The following SCNN1B variants were observed in gnomAD, a reference collection of about 807,000 sequenced individuals.
SCNN1B encodes sodium channel epithelial 1 subunit beta.
A neutral mutation model predicts 65.3 loss-of-function variants in SCNN1B; 46 were observed. That is an observed-to-expected ratio of 0.70 (90% confidence interval 0.56 to 0.90). The LOEUF (loss-of-function observed/expected upper bound fraction) is 0.90. Among genes scored for constraint, SCNN1B ranks in the 40% least tolerant of loss-of-function variants. The probability of loss-of-function intolerance (pLI) is 0.00; values close to 1 mark genes in which losing one functional copy is unlikely to be tolerated. For synonymous variants in SCNN1B, 349 were observed against 330.6 expected (o/e 1.06, Z -0.60); for missense variants, 751 against 830.5 (o/e 0.90, Z 1.18).
chr16:23,291,462 A>ATG (rs1284367332), intron 2 of SCNN1B, among the ~76,000 whole-genome samples: 1 of 136,436 alleles, frequency 7.3e-6, no homozygotes, highest in Non-Finnish European at 1.6e-5. Flanking sequence ...CCATATATAT[A>ATG]TGTGTGTGTG....
At chr16:23,333,903 C>A (rs1441838031) in intron 1 of SCNN1B, among the ~76,000 whole-genome samples, 1 of 152,192 alleles carries the variant, frequency 6.6e-6, no homozygotes, top group Non-Finnish European at 1.5e-5. Flanking sequence ...AAGGAGATGG[C>A]AGAACCAGAC....
chr16:23,372,492 A>C (rs1049202110), intron 7 of SCNN1B, among the ~76,000 whole-genome samples: 1 of 145,204 alleles, frequency 6.9e-6, no homozygotes, highest in African/African-American at 2.5e-5. Flanking sequence ...TTACCTGAGA[A>C]GTCCCTTTTT....
At chr16:23,341,805 G>GTA (rs1329649779) in intron 1 of SCNN1B, among the ~76,000 whole-genome samples, 2 of 152,186 alleles carry the variant, frequency 1.3e-5, no homozygotes, top group African/African-American at 4.8e-5. Flanking sequence ...TAAGGTAGCT[G>GTA]TAATAACTTT....
chr16:23,343,648 A>AG (rs1962124670), intron 1 of SCNN1B, among the ~76,000 whole-genome samples: 2 of 116,114 alleles, frequency 1.7e-5, no homozygotes, highest in African/African-American at 7.2e-5. Context: ...AGAAAGAAAG[A>AG]AAAAAAGAAA....
At chr16:23,323,021 C>A (rs1461942805) in intron 1 of SCNN1B, among the ~76,000 whole-genome samples, 2 of 148,882 alleles carry the variant, frequency 1.3e-5, no homozygotes, top group Non-Finnish European at 3.0e-5. Flanking sequence ...CCCATCTCTA[C>A]TAAAAATACA....
intron 5 of SCNN1B, among the ~76,000 whole-genome samples, chr16:23,369,655 G>A (rs74012894): frequency 3.3e-5 from 5 of 152,066 alleles, no homozygotes; most frequent in East Asian, 1.9e-4. Context: ...CATCGGGGCC[G>A]CTGGCCAAGA....
At chr16:23,337,815 C>G (rs1296262696) in intron 1 of SCNN1B, among the ~76,000 whole-genome samples, 1 of 151,856 alleles carries the variant, frequency 6.6e-6, no homozygotes, top group Non-Finnish European at 1.5e-5. Context: ...ACCTGTAATC[C>G]CAGCACTTTG....
At chr16:23,360,687 C>T (rs183493994) in intron 4 of SCNN1B, among the ~76,000 whole-genome samples, 1 of 151,488 alleles carries the variant, frequency 6.6e-6, no homozygotes, top group Non-Finnish European at 1.5e-5. Context: ...CCTCTGCCTC[C>T]CGGGTTCAAG....
chr16:23,371,575 C>T, intron 6 of SCNN1B, 113 bp downstream of exon 6: 1 of 1,215,566 alleles, frequency 8.2e-7, no homozygotes, highest in Non-Finnish European at 1.2e-6. Context: ...CAGCCCTGGC[C>T]TTCCTTCCTT....
At chr16:23,357,311 T>C (rs2142024339) in intron 4 of SCNN1B, among the ~76,000 whole-genome samples, 1 of 152,306 alleles carries the variant, frequency 6.6e-6, no homozygotes, top group Non-Finnish European at 1.5e-5. Context: ...CAACCGGACA[T>C]GTGGCTCACG....
upstream of SCNN1B, among the ~76,000 whole-genome samples, chr16:23,300,470 T>C (rs1482069577): frequency 6.6e-6 from 1 of 152,042 alleles, no homozygotes; most frequent in African/African-American, 2.4e-5. Flanking sequence ...AGCTGTCTCT[T>C]ATTAAGCCAA....
Position 23,371,764 on chromosome 16 carries a change from C to G in SCNN1B, c.1045-12C>G. Reference sequence around the variant, plus strand: ...GACCAGTGTCCCCCTCAAGCAACCCCTCTAAACACAGGACAAGCTTCAGCG... The same window carrying G: ...GACCAGTGTCCCCCTCAAGCAACCCGTCTAAACACAGGACAAGCTTCAGCG... On this transcript the variant is annotated splice_polypyrimidine_tract_variant and intron_variant, in intron 6 of 12. Transcript: ENST00000343070. 1 of 1,610,482 alleles carries G rather than the reference C, an allele frequency of 6.2e-7. No individual in the cohort carries two copies.
At chr16:23,341,130 C>T (rs1216014349) in intron 1 of SCNN1B, among the ~76,000 whole-genome samples, 1 of 152,120 alleles carries the variant, frequency 6.6e-6, no homozygotes, top group Non-Finnish European at 1.5e-5. Flanking sequence ...AATCTATGAG[C>T]ATGGTATAGA....
At chr16:23,291,101 G>A (rs368923411) in intron 2 of SCNN1B, among the ~76,000 whole-genome samples, 15 of 141,364 alleles carry the variant, frequency 1.1e-4, no homozygotes, top group African/African-American at 2.7e-4. Flanking sequence ...TTGCTGTGTC[G>A]CCCAGGCTGG....
At chr16:23,355,588 C>T in intron 4 of SCNN1B, 99 bp downstream of exon 4, 1 of 1,224,094 alleles carries the variant, frequency 8.2e-7, no homozygotes, top group South Asian at 1.2e-5. Context: ...CAATCCTGCC[C>T]AGCCACTTAC....
chr16:23,306,451 T>C (rs1211953119), intron 1 of SCNN1B, among the ~76,000 whole-genome samples: 1 of 152,104 alleles, frequency 6.6e-6, no homozygotes, highest in Non-Finnish European at 1.5e-5. Flanking sequence ...CTGATAATGG[T>C]GGTGTTATCA....
intron 1 of SCNN1B, among the ~76,000 whole-genome samples, chr16:23,309,107 T>C (rs1182058389): frequency 6.6e-6 from 1 of 152,154 alleles, no homozygotes; most frequent in East Asian, 1.9e-4. Context: ...GGCATGTCCC[T>C]CTCGGTCCTG....
intron 7 of SCNN1B, among the ~76,000 whole-genome samples, chr16:23,372,618 C>T (rs1351034900): frequency 6.6e-6 from 1 of 151,436 alleles, no homozygotes; most frequent in Non-Finnish European, 1.5e-5. Flanking sequence ...CTCAGCCTCC[C>T]GTGTAGCTGG....
chr16:23,300,686 T>G (rs1596814073), upstream of SCNN1B, among the ~76,000 whole-genome samples: 1 of 152,214 alleles, frequency 6.6e-6, no homozygotes, highest in Non-Finnish European at 1.5e-5. Context: ...AATAAACTTT[T>G]TTTAATTAGC....
Sources: allele counts gnomAD v4.1 joint callset (sites outside exome capture counted in the v4.1 genomes callset), GRCh38; gene constraint gnomAD v4.1.1; transcripts MANE v1.5; gene names NCBI Gene and HGNC (gene_info 2026-07-23, HGNC 2026-07-21).